The following ST8SIA5 variants were observed in gnomAD, a reference collection of about 807,000 sequenced individuals.
The protein encoded by ST8SIA5 is ST8 alpha-N-acetyl-neuraminide alpha-2,8-sialyltransferase 5.
In ST8SIA5, 24 loss-of-function variants were observed where a neutral mutation model predicts 40.2. The observed-to-expected ratio is 0.60, with a 90% confidence interval of 0.43 to 0.84. The LOEUF (loss-of-function observed/expected upper bound fraction) is 0.84, where lower values mean the gene tolerates loss of function less well. Ranked by LOEUF, ST8SIA5 falls within the 40% of genes least tolerant of loss-of-function variation. The probability of loss-of-function intolerance (pLI) is 0.00; values close to 1 mark genes in which losing one functional copy is unlikely to be tolerated. For synonymous variants in ST8SIA5, 198 were observed against 201.8 expected (o/e 0.98, Z 0.16); for missense variants, 465 against 498.5 (o/e 0.93, Z 0.64).
intron 1 of ST8SIA5, among the ~76,000 whole-genome samples, chr18:46,747,655 C>T (rs564700500): frequency 1.8e-4 from 27 of 152,318 alleles, no homozygotes; most frequent in African/African-American, 6.3e-4. Context: ...TTGTGGAAGA[C>T]AGTGTGGTGG....
Position 46,688,899 on chromosome 18 carries a change from C to T in ST8SIA5, c.332G>A (p.Cys111Tyr). 6.2e-7 allele frequency: 1 copy of T among 1,613,590 alleles called. No individual in the cohort carries two copies. The highest frequency in any genetic ancestry group is 8.5e-7 in the Non-Finnish European group (1 of 1,179,738). ...GGTGAAGAGAAAGGCAGGGGCGTTG[C>T]AGCACCTGGACAGAGTAGACCTGCC... Reference protein sequence around the residue: ...NQFKSTLSRCCNAPAFLFTTQ... With the variant: ...NQFKSTLSRCYNAPAFLFTTQ... Residue 111 changes from cysteine (C) to tyrosine (Y), a missense_variant, in exon 4 of 7, where the codon TGC becomes TAC. Physicochemically the swap from Cys to Tyr is radical, Grantham distance 194. Transcript: ENST00000315087.
At chr18:46,729,819 G>T (rs1016899596) in intron 1 of ST8SIA5, among the ~76,000 whole-genome samples, 1 of 151,782 alleles carries the variant, frequency 6.6e-6, no homozygotes, top group Non-Finnish European at 1.5e-5. Context: ...CTGACAGTCC[G>T]GTTTTAACTG....
intron 2 of ST8SIA5, among the ~76,000 whole-genome samples, chr18:46,692,817 G>C (rs1305826981): frequency 6.6e-6 from 1 of 151,846 alleles, no homozygotes; most frequent in African/African-American, 2.4e-5. Flanking sequence ...CAACCAATCA[G>C]AGCCCACACC....
chr18:46,740,220 C>T (rs1385353865), intron 1 of ST8SIA5, among the ~76,000 whole-genome samples: 2 of 152,140 alleles, frequency 1.3e-5, no homozygotes, highest in African/African-American at 4.8e-5. Flanking sequence ...ATGCATTCGT[C>T]AGCCAATCTC....
In ST8SIA5 at chr18:46,736,776, G is replaced by A. The variant is rs186770938; in HGVS notation, c.131+19602C>T. 2.4e-4 allele frequency among the ~76,000 whole-genome samples: 36 copies of A among 152,154 alleles called. No individual in the cohort carries two copies. The East Asian group carries it at 4.6e-3, about 20-fold the overall frequency. On this transcript the variant is annotated intron_variant, in intron 1 of 6. Transcript: ENST00000315087. The stretch of plus-strand genomic sequence containing the variant: ...GATGGAATACCAGGCTGGAGTGAGC[G>A]TGGATGCATTTTATTCTCCCAGGAC...
intron 1 of ST8SIA5, among the ~76,000 whole-genome samples, chr18:46,746,965 C>T (rs181866409): frequency 6.4e-4 from 97 of 152,068 alleles, no homozygotes; most frequent in African/African-American, 1.7e-3. Context: ...AACAAGAAAT[C>T]GGGAAAGGAT....
intron 1 of ST8SIA5, chr18:46,721,595 G>A (rs566922691): frequency 5.7e-5 from 43 of 758,804 alleles, no homozygotes; most frequent in South Asian, 5.5e-4. Flanking sequence ...TAAAGGAGGC[G>A]ATGGTACTGA....
At chr18:46,755,312 T>A (rs2040231991) in intron 1 of ST8SIA5, among the ~76,000 whole-genome samples, 2 of 152,098 alleles carry the variant, frequency 1.3e-5, no homozygotes, top group African/African-American at 4.8e-5. Flanking sequence ...GGCTGTTTCG[T>A]TATGGGGAAG....
chr18:46,692,523 C>T (rs1365068170), intron 2 of ST8SIA5, among the ~76,000 whole-genome samples: 1 of 151,960 alleles, frequency 6.6e-6, no homozygotes, highest in Non-Finnish European at 1.5e-5. Context: ...CGTGCCTCAG[C>T]CTACCGAGTA....
chr18:46,684,919 G>A (rs1464984022), intron 5 of ST8SIA5, among the ~76,000 whole-genome samples: 2 of 152,124 alleles, frequency 1.3e-5, no homozygotes, highest in East Asian at 1.9e-4. Flanking sequence ...AGCTTGGAAG[G>A]ACAAGCGGCA....
intron 1 of ST8SIA5, among the ~76,000 whole-genome samples, chr18:46,739,765 T>G (rs1200488828): frequency 3.3e-5 from 5 of 152,180 alleles, no homozygotes; most frequent in Non-Finnish European, 7.4e-5. Context: ...GGGGGTGCCA[T>G]GAGCCGACAG....
chr18:46,731,446 G>C (rs1202539272), intron 1 of ST8SIA5, among the ~76,000 whole-genome samples: 2 of 152,192 alleles, frequency 1.3e-5, no homozygotes, highest in African/African-American at 4.8e-5. Flanking sequence ...CGGGGAACTA[G>C]AGGTCACTGA....
At chr18:46,727,777 T>C (rs1364631380) in intron 1 of ST8SIA5, among the ~76,000 whole-genome samples, 1 of 152,186 alleles carries the variant, frequency 6.6e-6, no homozygotes, top group African/African-American at 2.4e-5. Flanking sequence ...CCATGTTTCT[T>C]CCTTCTCTCC....
At chr18:46,682,416 C>T (rs73433027) in intron 5 of ST8SIA5, among the ~76,000 whole-genome samples, 18,675 of 152,208 alleles carry the variant, frequency 0.12, 1,349 homozygotes, top group East Asian at 0.34. Flanking sequence ...CCAAGACTTC[C>T]CTGAGGAAGC....
Position 46,671,343 on chromosome 18 carries a change from G to A in ST8SIA5, c.*8699C>T, listed in dbSNP as rs1380757368. On this transcript the variant is annotated 3_prime_UTR_variant, in exon 7 of 7. Transcript: ENST00000315087. Reference sequence around the variant, plus strand: ...TCCAAAGTATGATAGAAAAGGAAATGCATAAAGAAGTGAGGCTCTAACCCT... The same window carrying A: ...TCCAAAGTATGATAGAAAAGGAAATACATAAAGAAGTGAGGCTCTAACCCT... 6.6e-6 allele frequency: 1 copy of A among 152,234 alleles called. No homozygotes were observed. The highest frequency in any genetic ancestry group is 1.5e-5 in the Non-Finnish European group (1 of 68,058). 9.4% of individuals were successfully genotyped at this position (152,234 alleles called of 1,614,324 possible).
intron 1 of ST8SIA5, among the ~76,000 whole-genome samples, chr18:46,731,295 C>T (rs1241773824): frequency 6.6e-6 from 1 of 152,186 alleles, no homozygotes; most frequent in Non-Finnish European, 1.5e-5. Context: ...TTTGGCGTTG[C>T]ACAAACAGGA....
At chr18:46,717,216 T>C (rs1280791399) in intron 1 of ST8SIA5, among the ~76,000 whole-genome samples, 1 of 152,198 alleles carries the variant, frequency 6.6e-6, no homozygotes, top group African/African-American at 2.4e-5. Flanking sequence ...CAGCTGACCA[T>C]GGAGGACAAG....
At chr18:46,723,148 G>C in intron 1 of ST8SIA5, 1 of 165,116 alleles carries the variant, frequency 6.1e-6, no homozygotes, top group East Asian at 1.6e-4. Flanking sequence ...AGGGCCATTC[G>C]CAGGATGGGT....
At position 46,740,487 on chromosome 18, in the gene ST8SIA5, T is replaced by C. The variant is rs150591040; in HGVS notation, c.131+15891A>G. ...CTAGGTATTAAAAACTGTAAGTATGTGCTAGTTACAACAGACATAGAATGA... is the reference window on the plus strand; with the variant it reads ...CTAGGTATTAAAAACTGTAAGTATGCGCTAGTTACAACAGACATAGAATGA... On this transcript the variant is annotated intron_variant, in intron 1 of 6. Transcript: ENST00000315087. Among the ~76,000 whole-genome samples, 46 of 152,138 alleles carry C rather than the reference T, an allele frequency of 3.0e-4. No homozygotes were observed. In the South Asian group the frequency reaches 5.8e-3, roughly 19 times the overall value.
Sources: gnomAD v4.1 joint callset for allele counts (sites outside exome capture counted in the v4.1 genomes callset) on GRCh38, gnomAD v4.1.1 for gene constraint, MANE v1.5 for transcripts, NCBI Gene and HGNC (gene_info 2026-07-23, HGNC 2026-07-21) for gene names.